The following PCDHGA3 variants were observed in gnomAD, a reference collection of about 807,000 sequenced individuals.
PCDHGA3 encodes the protein protocadherin gamma-A3.
Under a neutral mutation model 58.5 loss-of-function variants are expected in PCDHGA3, and 40 were observed. The observed-to-expected ratio is 0.68, with a 90% confidence interval of 0.53 to 0.89. The LOEUF is 0.89. PCDHGA3 is among the 40% of genes least tolerant of loss of function. The pLI is 0.00. For missense variants in PCDHGA3, 1,223 were observed against 1,195.9 expected, an observed-to-expected ratio of 1.02 and a Z score of -0.33; for synonymous variants, 530 against 525.7, an observed-to-expected ratio of 1.01 and a Z score of -0.11.
At chr5:141,505,305 C>T (rs1363643214) in intron 2 of PCDHGA3, 88 bp from the exon 3 acceptor site, 2 of 1,595,104 alleles carry the variant, frequency 1.3e-6, no homozygotes, top group Admixed American at 1.7e-5. Flanking sequence ...GGTTAGGGTA[C>T]TAGGTTTGGG....
At chr5:141,351,186 G>C in intron 1 of PCDHGA3, 1 of 1,614,046 alleles carries the variant, frequency 6.2e-7, no homozygotes, top group Non-Finnish European at 8.5e-7. Flanking sequence ...GAAGAGACAA[G>C]TAGATATGTG....
chr5:141,406,906 C>T (rs1186250719), intron 1 of PCDHGA3, among the ~76,000 whole-genome samples: 1 of 152,048 alleles, frequency 6.6e-6, no homozygotes, highest in Non-Finnish European at 1.5e-5. Flanking sequence ...CTGTTTTTAG[C>T]TATAAGGAAG....
At chr5:141,475,997 G>A in intron 1 of PCDHGA3, 2 of 1,184,406 alleles carry the variant, frequency 1.7e-6, no homozygotes, top group East Asian at 2.4e-5. Flanking sequence ...CAAATCAACG[G>A]CATCCAGAAA....
chr5:141,448,795 A>T (rs577803435), intron 1 of PCDHGA3, among the ~76,000 whole-genome samples: 1 of 152,086 alleles, frequency 6.6e-6, no homozygotes, highest in African/African-American at 2.4e-5. Context: ...AAAAAAAAAA[A>T]TTAGCCAGGC....
rs13178808 is a variant in PCDHGA3 at position 141,491,920 on chromosome 5, G to A, written c.2425-2887G>A. 1.2e-4 allele frequency: 164 copies of A among 1,356,270 alleles called. No individual in the cohort carries two copies. Among genetic ancestry groups the A allele is most frequent in the Non-Finnish European group, 1.5e-4 (155 of 1,015,194 alleles). The allele number at this position is 1,356,270 out of a possible 1,614,324, so 84.0% of individuals were successfully genotyped here. On this transcript the variant is annotated intron_variant, in intron 1 of 3. Transcript: ENST00000253812. This position sits in a 1 kb window ranked among gnomAD's most constrained non-coding sequence, Gnocchi z 6.9. ...ACCGGGGGTGGTGGCGACTGTGGGC[G>A]AGGGGAGGTGGGACCGACCCCCACC...
intron 3 of PCDHGA3, 78 bp from the exon 4 acceptor site, chr5:141,510,869 T>C: frequency 9.3e-6 from 15 of 1,608,708 alleles, no homozygotes; most frequent in Non-Finnish European, 1.3e-5. Flanking sequence ...AGGCATTCAT[T>C]AACTGCTGGG....
chr5:141,393,434 T>C (rs1554093883), intron 1 of PCDHGA3: 5 of 1,613,902 alleles, frequency 3.1e-6, no homozygotes, highest in South Asian at 1.1e-5. Flanking sequence ...AAGAGGCTGC[T>C]CACCACCTGG....
At chr5:141,469,312 C>T (rs1387258560) in intron 1 of PCDHGA3, among the ~76,000 whole-genome samples, 2 of 152,064 alleles carry the variant, frequency 1.3e-5, no homozygotes, top group Non-Finnish European at 2.9e-5. Flanking sequence ...CACGATGGCT[C>T]ACGCCTGTAA....
In PCDHGA3 at chr5:141,344,855, T is replaced by A. The variant is rs916854411; in HGVS notation, c.822T>A (p.Asn274Lys). The A allele has an allele frequency of 6.2e-7, 1 of 1,613,998 alleles. No homozygotes were observed. The highest frequency in any genetic ancestry group is 1.7e-5 in the Admixed American group (1 of 60,028). The stretch of plus-strand genomic sequence containing the variant: ...CCACTGACCCTGACGAGGGATTCAA[T>A]GCTCAAGTGTCTTATATTCTAGATA... ...VNATDPDEGF[N>K]AQVSYILDKM... Residue 274 changes from asparagine (N) to lysine (K), a missense_variant, in exon 1 of 4, where the codon AAT becomes AAA. Asn to Lys is a moderately conservative substitution (Grantham distance 94). Transcript: ENST00000253812.
chr5:141,465,240 G>C (rs569146939), intron 1 of PCDHGA3, among the ~76,000 whole-genome samples: 22 of 152,168 alleles, frequency 1.4e-4, no homozygotes, highest in African/African-American at 5.3e-4. Flanking sequence ...TCAAGTTCAA[G>C]GCACTTTTGT....
intron 1 of PCDHGA3, chr5:141,371,392 T>A (rs1767716213): frequency 6.2e-7 from 1 of 1,613,846 alleles, no homozygotes; most frequent in African/African-American, 1.3e-5. Flanking sequence ...TATTGTAAAG[T>A]ACAGATAGAT....
chr5:141,440,902 G>C (rs138147244), intron 1 of PCDHGA3: 1 of 152,110 alleles, frequency 6.6e-6, no homozygotes, highest in Admixed American at 6.6e-5. Context: ...ATGTGCATCC[G>C]GGCACTCCTG....
chr5:141,476,597 G>C lies in PCDHGA3; in HGVS notation c.2425-18210G>C, dbSNP rs2099394582. On this transcript the variant is annotated intron_variant, in intron 1 of 3. Coordinates refer to ENST00000253812, the MANE Select transcript of PCDHGA3 (RefSeq NM_018916.4). The surrounding 1 kb of genome is among the most constrained non-coding windows in gnomAD (Gnocchi z 7.6). ...GCGCTTTCCGCTCGAGAGCGCGCAC[G>C]ATCCCGATGTGGGAAGCAACTCTTT... The C allele has an allele frequency of 1.2e-6, 2 of 1,614,112 alleles. No individual in the cohort carries two copies. The highest frequency in any genetic ancestry group is 1.7e-6 in the Non-Finnish European group (2 of 1,180,046).
At chr5:141,393,624 G>A (rs1190793808) in intron 1 of PCDHGA3, 1 of 1,613,972 alleles carries the variant, frequency 6.2e-7, no homozygotes, top group Non-Finnish European at 8.5e-7. Flanking sequence ...CGACCCGGAT[G>A]AGGGAATCAA....
In PCDHGA3 at chr5:141,344,310, G is replaced by A. The variant is rs372211258; in HGVS notation, c.277G>A (p.Glu93Lys). 1 of 1,614,090 alleles carries A rather than the reference G, an allele frequency of 6.2e-7. No homozygotes were observed. The highest frequency in any genetic ancestry group is 8.5e-7 in the Non-Finnish European group (1 of 1,179,934). Residue 93 changes from glutamate to lysine, a missense_variant, in exon 1 of 4, where the codon GAG becomes AAG. This residue lies in a region of PCDHGA3 where 791 missense variants were observed against 708.5 expected (regional missense o/e 1.12). Coordinates refer to ENST00000253812, the MANE Select transcript of PCDHGA3 (RefSeq NM_018916.4). ...SLVTAERIDREELCAQIPLCL... is the reference protein window; with the variant it reads ...SLVTAERIDRKELCAQIPLCL... ...GGTCACCGCGGAGAGGATAGACCGG[G>A]AGGAGCTCTGCGCTCAGATCCCGCT...
intron 1 of PCDHGA3, chr5:141,365,631 C>A: frequency 1.9e-6 from 3 of 1,613,644 alleles, no homozygotes; most frequent in Non-Finnish European, 2.5e-6. Context: ...CCCCTCTCTA[C>A]AGAAAGCCAC....
chr5:141,427,960 G>T (rs759698390), intron 1 of PCDHGA3: 2 of 1,589,168 alleles, frequency 1.3e-6, no homozygotes, highest in Non-Finnish European at 1.7e-6. Context: ...AATGTGCCGC[G>T]GGTGCTGTAC....
intron 1 of PCDHGA3, chr5:141,423,923 G>C: frequency 8.0e-7 from 1 of 1,254,744 alleles, no homozygotes; most frequent in Non-Finnish European, 1.0e-6. Flanking sequence ...CAACTATGCT[G>C]GTTTGGTTTG....
At position 141,432,898 on chromosome 5, in the gene PCDHGA3, G is replaced by C. The variant is rs746913952; in HGVS notation, c.2425-61909G>C. ...TGGCCTTCGTCATCTTGCTGCTGGC[G>C]CTCAGGCTGCGGCGCTGGCACAAGT... On this transcript the variant is annotated intron_variant, in intron 1 of 3. Coordinates refer to ENST00000253812, the MANE Select transcript of PCDHGA3 (RefSeq NM_018916.4). The surrounding 1 kb of genome is among the most constrained non-coding windows in gnomAD (Gnocchi z 6.0). 28 of 1,614,056 alleles carry C rather than the reference G, an allele frequency of 1.7e-5. No individual in the cohort carries two copies. In the African/African-American group the frequency reaches 2.4e-4, roughly 14 times the overall value.
Sources: gnomAD v4.1 joint callset for allele counts (sites outside exome capture counted in the v4.1 genomes callset) on GRCh38, gnomAD v4.1.1 for gene constraint, gnomAD v4.1.1 regional missense constraint, Gnocchi (gnomAD v3.1) non-coding constraint, MANE v1.5 for transcripts, NCBI Gene and HGNC (gene_info 2026-07-23, HGNC 2026-07-21) for gene names.